The following PPM1H variants were observed in gnomAD, a reference collection of about 807,000 sequenced individuals.
The protein encoded by PPM1H is protein phosphatase, Mg2+/Mn2+ dependent 1H, also known as protein phosphatase 1H.
A neutral mutation model predicts 54.9 loss-of-function variants in PPM1H; 27 were observed. The observed-to-expected ratio is 0.49, with a 90% CI of 0.36 to 0.68. The LOEUF (loss-of-function observed/expected upper bound fraction) is 0.68, where lower values mean the gene tolerates loss of function less well. PPM1H is among the 30% of genes least tolerant of loss of function. PPM1H has a pLI of 0.00. For synonymous variants in PPM1H, 305 were observed against 270.8 expected (o/e 1.13, Z -1.24); for missense variants, 596 against 667.8 (o/e 0.89, Z 1.19).
intron 1 of PPM1H, among the ~76,000 whole-genome samples, chr12:62,887,723 G>A (rs1048793500): frequency 6.6e-6 from 1 of 152,136 alleles, no homozygotes; most frequent in Non-Finnish European, 1.5e-5. Flanking sequence ...CGACTGCATT[G>A]GGGGAAGGGT....
At chr12:62,924,727 C>A (rs142946808) in intron 1 of PPM1H, among the ~76,000 whole-genome samples, 2 of 152,100 alleles carry the variant, frequency 1.3e-5, no homozygotes, top group Non-Finnish European at 2.9e-5. Flanking sequence ...GACTACAAAA[C>A]GTGAGATTTC....
chr12:62,852,575 T>C (rs1276107486), intron 1 of PPM1H, among the ~76,000 whole-genome samples: 1 of 152,204 alleles, frequency 6.6e-6, no homozygotes, highest in Admixed American at 6.5e-5. Context: ...TGCCATCATG[T>C]AGAGGAATTG....
At chr12:62,877,962 A>G (rs2663950) in intron 1 of PPM1H, among the ~76,000 whole-genome samples, 12 of 152,294 alleles carry the variant, frequency 7.9e-5, no homozygotes, top group East Asian at 7.7e-4. Context: ...CAGTAGCACA[A>G]TCTCGGCTCA....
At chr12:62,655,168 C>T (rs2075837265) in intron 9 of PPM1H, among the ~76,000 whole-genome samples, 1 of 152,180 alleles carries the variant, frequency 6.6e-6, no homozygotes, top group Admixed American at 6.5e-5. Context: ...AGGAGCTTTC[C>T]TCATAGATTC....
intron 2 of PPM1H, among the ~76,000 whole-genome samples, chr12:62,805,844 T>C (rs2076802614): frequency 6.6e-6 from 1 of 152,194 alleles, no homozygotes; most frequent in African/African-American, 2.4e-5. Context: ...AGATTTTAAG[T>C]GTCCTCACCA....
intron 4 of PPM1H, among the ~76,000 whole-genome samples, chr12:62,779,682 A>C (rs1263271614): frequency 1.3e-5 from 2 of 152,200 alleles, no homozygotes; most frequent in African/African-American, 4.8e-5. Context: ...CACACACAAT[A>C]GTGGCAGAGC....
chr12:62,782,025 T>G (rs2076645817), intron 4 of PPM1H, among the ~76,000 whole-genome samples: 1 of 152,222 alleles, frequency 6.6e-6, no homozygotes. Flanking sequence ...TTTTGTTTTT[T>G]TTCTGTTATT....
intron 4 of PPM1H, among the ~76,000 whole-genome samples, chr12:62,760,899 G>A (rs1415015003): frequency 6.6e-6 from 1 of 152,188 alleles, no homozygotes; most frequent in Non-Finnish European, 1.5e-5. Context: ...CCACACACCA[G>A]TCATACTCTG....
At chr12:62,835,536 C>T (rs1247973142) in intron 1 of PPM1H, among the ~76,000 whole-genome samples, 2 of 152,204 alleles carry the variant, frequency 1.3e-5, no homozygotes, top group Non-Finnish European at 2.9e-5. Context: ...GGTGCCCTTA[C>T]TTTGCCATTT....
chr12:62,788,406 T>A, intron 3 of PPM1H, 68 bp from the exon 4 acceptor site: 1 of 978,684 alleles, frequency 1.0e-6, no homozygotes, highest in Non-Finnish European at 1.6e-6. Context: ...TCACTTTCAT[T>A]CTCTTGACAG....
rs145884398 is a variant in PPM1H, at chr12:62,750,613, G to T, written c.870-13027C>A. 5.3e-5 allele frequency among the ~76,000 whole-genome samples: 8 copies of T among 152,212 alleles called. No individual in the cohort carries two copies. In the East Asian group the frequency reaches 1.2e-3, roughly 22 times the overall value. On this transcript the variant is annotated intron_variant, in intron 4 of 9. Transcript: ENST00000228705. ...GTTTTTGTGTAAATATATGTTTTCA[G>T]TTCTCTTGGGCATATACCCAGGAGT...
intron 1 of PPM1H, among the ~76,000 whole-genome samples, chr12:62,902,834 C>T (rs1871197746): frequency 6.6e-6 from 1 of 152,164 alleles, no homozygotes. Flanking sequence ...GAAATAGTTG[C>T]AGTGAGGCCC....
chr12:62,888,236 T>G (rs529977223), intron 1 of PPM1H, among the ~76,000 whole-genome samples: 3 of 152,036 alleles, frequency 2.0e-5, no homozygotes, highest in Non-Finnish European at 4.4e-5. Flanking sequence ...CACCATTTGC[T>G]GAAATTTATA....
intron 4 of PPM1H, among the ~76,000 whole-genome samples, chr12:62,771,087 C>CACA (rs1322050931): frequency 3.7e-5 from 5 of 134,040 alleles, no homozygotes; most frequent in African/African-American, 5.4e-5. Context: ...CACACACACA[C>CACA]AACTGTGTTT....
chr12:62,819,913 T>C (rs143878911), intron 2 of PPM1H, among the ~76,000 whole-genome samples: 87 of 152,282 alleles, frequency 5.7e-4, no homozygotes, highest in African/African-American at 2.0e-3. Context: ...GTTCATCTCA[T>C]TGGGACTGGT....
intron 6 of PPM1H, among the ~76,000 whole-genome samples, chr12:62,700,698 C>A (rs2076139405): frequency 6.6e-6 from 1 of 152,172 alleles, no homozygotes; most frequent in Admixed American, 6.6e-5. Flanking sequence ...AGGATGATGT[C>A]ACCAGGTGGA....
chr12:62,738,693 C>T (rs976221474), intron 4 of PPM1H, among the ~76,000 whole-genome samples: 1 of 152,022 alleles, frequency 6.6e-6, no homozygotes, highest in African/African-American at 2.4e-5. Context: ...CCCAACAGCT[C>T]CCAGGCATCA....
chr12:62,916,066 T>C (rs557892415), intron 1 of PPM1H, among the ~76,000 whole-genome samples: 1 of 152,314 alleles, frequency 6.6e-6, no homozygotes, highest in South Asian at 2.1e-4. Context: ...ATCAATGCCT[T>C]CATCACAGTA....
intron 1 of PPM1H, among the ~76,000 whole-genome samples, chr12:62,922,887 T>C (rs777446104): frequency 6.6e-6 from 1 of 152,212 alleles, no homozygotes; most frequent in Non-Finnish European, 1.5e-5. Context: ...CATTCCTGCC[T>C]GGCCACCAGC....
Sources: gnomAD v4.1 joint callset for allele counts (sites outside exome capture counted in the v4.1 genomes callset) on GRCh38, gnomAD v4.1.1 for gene constraint, MANE v1.5 for transcripts, NCBI Gene and HGNC (gene_info 2026-07-23, HGNC 2026-07-21) for gene names.